The following SGCD variants were observed in gnomAD, a reference collection of about 807,000 sequenced individuals.
SGCD encodes sarcoglycan delta.
Under a neutral mutation model 36.6 loss-of-function variants are expected in SGCD, and 18 were observed. The observed-to-expected ratio is 0.49, with a 90% CI of 0.34 to 0.73. SGCD has a LOEUF of 0.73. Among genes scored for constraint, SGCD ranks in the 30% least tolerant of loss-of-function variants. SGCD has a pLI of 0.01. For missense variants in SGCD, 387 were observed against 346.7 expected (o/e 1.12, Z -0.92); for synonymous variants, 133 against 130.6 (o/e 1.02, Z -0.12).
At chr5:155,835,923 G>T in the SGCD span, among the ~76,000 whole-genome samples, 7 of 152,030 alleles carry the variant, frequency 4.6e-5, no homozygotes, top group East Asian at 3.9e-4. Flanking sequence ...TTTGCCCAGG[G>T]TATCCACTCT....
chr5:156,201,984 T>C (rs1412693536), intron 3 of SGCD, among the ~76,000 whole-genome samples: 5 of 152,140 alleles, frequency 3.3e-5, no homozygotes, highest in Non-Finnish European at 7.4e-5. Flanking sequence ...CCAAAACAGC[T>C]TTCTGGTCTG....
intron 1 of SGCD, among the ~76,000 whole-genome samples, chr5:155,976,064 T>G (rs1471666722): frequency 6.6e-6 from 1 of 152,164 alleles, no homozygotes; most frequent in South Asian, 2.1e-4. Context: ...ATTTTAAACA[T>G]ACAAAACAGT....
chr5:156,440,937 C>G (rs923708230), intron 3 of SGCD, among the ~76,000 whole-genome samples: 1 of 152,038 alleles, frequency 6.6e-6, no homozygotes, highest in Non-Finnish European at 1.5e-5. Context: ...ATTTTTGAAG[C>G]ACAGTAGTTG....
At chr5:156,230,282 T>C (rs1056998525) in intron 3 of SGCD, among the ~76,000 whole-genome samples, 1 of 152,138 alleles carries the variant, frequency 6.6e-6, no homozygotes, top group Non-Finnish European at 1.5e-5. Context: ...CCAGAGTTGG[T>C]TTTCCACTCC....
chr5:156,552,515 C>G (rs955060156), intron 4 of SGCD, among the ~76,000 whole-genome samples: 1 of 152,102 alleles, frequency 6.6e-6, no homozygotes, highest in African/African-American at 2.4e-5. Flanking sequence ...ACTCATTTAT[C>G]TTTTATTAGA....
intron 3 of SGCD, among the ~76,000 whole-genome samples, chr5:156,294,775 A>G (rs1017426002): frequency 6.6e-6 from 1 of 152,156 alleles, no homozygotes; most frequent in Non-Finnish European, 1.5e-5. Context: ...TTAATACGTT[A>G]TATCAAATTG....
intron 1 of SGCD, among the ~76,000 whole-genome samples, chr5:155,983,668 G>A (rs922924871): frequency 4.6e-5 from 7 of 152,130 alleles, no homozygotes; most frequent in African/African-American, 1.7e-4. Flanking sequence ...CAGAAAGATA[G>A]CACCATAGAA....
chr5:156,597,399 G>A (rs1760969986), intron 6 of SGCD, among the ~76,000 whole-genome samples: 1 of 151,798 alleles, frequency 6.6e-6, no homozygotes, highest in Non-Finnish European at 1.5e-5. Flanking sequence ...AATCATGACA[G>A]AAAGCAAAGG....
intron 4 of SGCD, among the ~76,000 whole-genome samples, chr5:156,550,941 T>C (rs1481597633): frequency 2.0e-5 from 3 of 152,226 alleles, no homozygotes; most frequent in Non-Finnish European, 2.9e-5. Context: ...TGGCTTTCAT[T>C]TTTCAAGACA....
chr5:156,127,851 ATGC>A (rs369475739), intron 3 of SGCD, among the ~76,000 whole-genome samples: 1 of 143,882 alleles, frequency 7.0e-6, no homozygotes, highest in African/African-American at 2.6e-5. Context: ...TGAAACATAA[ATGC>A]AAAAAAAAAA....
At chr5:156,545,630 C>T (rs773901970) in intron 4 of SGCD, among the ~76,000 whole-genome samples, 1 of 152,118 alleles carries the variant, frequency 6.6e-6, no homozygotes, top group African/African-American at 2.4e-5. Flanking sequence ...GAAGCTAATA[C>T]CACTGCAGAT....
At chr5:156,254,621 G>A (rs953572404) in intron 3 of SGCD, among the ~76,000 whole-genome samples, 6 of 152,164 alleles carry the variant, frequency 3.9e-5, no homozygotes, top group African/African-American at 1.4e-4. Context: ...GGCTGAGGTG[G>A]GAGAATGGCT....
intron 1 of SGCD, among the ~76,000 whole-genome samples, chr5:155,898,746 C>G (rs17052958): frequency 0.21 from 32,138 of 152,050 alleles, 4,122 homozygotes; most frequent in Admixed American, 0.41. Flanking sequence ...TGCTGCAGCT[C>G]AGGAAAAACA....
intron 3 of SGCD, among the ~76,000 whole-genome samples, chr5:156,151,782 T>C (rs935234775): frequency 1.3e-5 from 2 of 151,670 alleles, no homozygotes; most frequent in African/African-American, 4.9e-5. Flanking sequence ...TTTTTTAAGA[T>C]ACAGCTGGAC....
chr5:155,823,327 C>T, the SGCD span, among the ~76,000 whole-genome samples: 130 of 145,914 alleles, frequency 8.9e-4, no homozygotes, highest in African/African-American at 3.1e-3. Flanking sequence ...AAAAAAAGGT[C>T]GGGGGGTGGT....
At chr5:156,047,025 T>C (rs1313522502) in intron 1 of SGCD, among the ~76,000 whole-genome samples, 4 of 152,176 alleles carry the variant, frequency 2.6e-5, no homozygotes, top group African/African-American at 9.6e-5. Context: ...ATTGCTGGTA[T>C]GAAGAAAGTT....
chr5:156,582,353 G>C (rs1760299410), intron 4 of SGCD, among the ~76,000 whole-genome samples: 1 of 152,118 alleles, frequency 6.6e-6, no homozygotes, highest in African/African-American at 2.4e-5. Flanking sequence ...AGTACCTTTT[G>C]TACTGCTCTT....
At chr5:156,546,763 A>G (rs10078556) in intron 4 of SGCD, among the ~76,000 whole-genome samples, 1,720 of 152,350 alleles carry the variant, frequency 0.011, 38 homozygotes, top group African/African-American at 0.04. Flanking sequence ...TTTGAGGCAC[A>G]GGAAAAGTTA....
intron 7 of SGCD, among the ~76,000 whole-genome samples, chr5:156,733,366 T>C (rs898989240): frequency 3.3e-5 from 5 of 152,114 alleles, no homozygotes; most frequent in African/African-American, 1.2e-4. Context: ...TTTGAGTGAT[T>C]GTGCTTTGGT....
Sources: gnomAD v4.1 joint callset for allele counts (sites outside exome capture counted in the v4.1 genomes callset) on GRCh38, gnomAD v4.1.1 for gene constraint, MANE v1.5 for transcripts, NCBI Gene and HGNC (gene_info 2026-07-23, HGNC 2026-07-21) for gene names.